Variants in ECE1 observed in about 807,000 individuals in gnomAD.
ECE1 encodes endothelin converting enzyme 1.
ECE1 carries 35 observed loss-of-function variants against 98.6 expected under a neutral mutation model. The ratio of observed to expected loss-of-function variants is 0.35; its 90% CI spans 0.27 to 0.47. The LOEUF is 0.47. Ranked by LOEUF, ECE1 falls within the 20% of genes least tolerant of loss-of-function variation. The pLI is 1.00. For missense variants in ECE1, 814 were observed against 1,025.3 expected, an observed-to-expected ratio of 0.79 and a Z score of 2.81; for synonymous variants, 394 against 407.1, an observed-to-expected ratio of 0.97 and a Z score of 0.39.
Position 21,256,557 on chromosome 1 carries a change from C to CA in ECE1, c.829-420dup, listed in dbSNP as rs761345651. ...TGGGCGGCAGAGAGAGACTTTGTCT[C>CA]AAAAAAAAAAGAAGAAGACACCCGT... is the stretch of plus-strand genomic sequence containing the variant. On this transcript the variant is annotated intron_variant, in intron 7 of 18. Transcript: ENST00000374893. 9.9e-3 allele frequency: 1,428 copies of CA among 144,204 alleles called. 9 individuals are homozygous for CA. The highest frequency in any genetic ancestry group is 0.017 in the South Asian group (76 of 4,530). The allele number at this position is 144,204 out of a possible 1,614,324, so 8.9% of individuals were successfully genotyped here.
intron 10 of ECE1, 142 bp downstream of exon 10, chr1:21,244,847 A>C: frequency 1.3e-6 from 1 of 772,360 alleles, no homozygotes; most frequent in Non-Finnish European, 2.2e-6. Context: ...ACTCCTCTTT[A>C]CCCTTTACTT....
chr1:21,326,427 G>T (rs1475124828), intron 1 of ECE1, among the ~76,000 whole-genome samples: 1 of 152,084 alleles, frequency 6.6e-6, no homozygotes, highest in African/African-American at 2.4e-5. Context: ...CCCAGAGAGG[G>T]ATCAGACCCA....
chr1:21,313,972 G>A (rs1638780322), intron 1 of ECE1, among the ~76,000 whole-genome samples: 1 of 152,178 alleles, frequency 6.6e-6, no homozygotes. Flanking sequence ...AGATGTAGGG[G>A]CAATGATGAC....
chr1:21,274,387 C>T (rs2098244081), intron 3 of ECE1, among the ~76,000 whole-genome samples: 1 of 152,220 alleles, frequency 6.6e-6, no homozygotes, highest in Non-Finnish European at 1.5e-5. Flanking sequence ...GCCACTAGAC[C>T]TGGGTTCAAA....
chr1:21,309,962 T>C (rs1392500201), intron 1 of ECE1, among the ~76,000 whole-genome samples: 1 of 152,036 alleles, frequency 6.6e-6, no homozygotes, highest in Admixed American at 6.6e-5. Flanking sequence ...CGGCTATTTC[T>C]TGTATTTTTA....
At chr1:21,313,653 G>C (rs1638773963) in intron 1 of ECE1, among the ~76,000 whole-genome samples, 1 of 152,212 alleles carries the variant, frequency 6.6e-6, no homozygotes, top group African/African-American at 2.4e-5. Context: ...AAAGGTTCTG[G>C]AACAGACAGA....
rs1000622877 is a variant in ECE1 at position 21,256,255 on chromosome 1, GC to G, written c.829-118del. The G allele has an allele frequency of 3.3e-6, 4 of 1,225,412 alleles. No individual in the cohort carries two copies. The African/African-American group carries it at 6.1e-5, about 19-fold the overall frequency. 75.9% of individuals were successfully genotyped at this position (1,225,412 alleles called of 1,614,324 possible). A position where few individuals can be genotyped will look rare whatever the true frequency, so the allele number is the denominator to read the frequency against. On this transcript the variant is annotated intron_variant, in intron 7 of 18. Transcript: ENST00000374893. Reference sequence around the variant, plus strand: ...ACAGGGAGCCAGGGGGCTGCACAGTGCCCCCAAGACACCCGTGGGGCCAGGT... The same window carrying G: ...ACAGGGAGCCAGGGGGCTGCACAGTGCCCCAAGACACCCGTGGGGCCAGGT...
At position 21,225,218 on chromosome 1, in the gene ECE1, G is replaced by A; in HGVS notation, c.2040+32C>T. ...GGCATCTGGAAGGAGCCAGCACTGG[G>A]ACCGTGCGCGTGTGGGGAGCGGGGC... is the stretch of plus-strand genomic sequence containing the variant. On this transcript the variant is annotated intron_variant, in intron 17 of 18. Coordinates refer to ENST00000374893, the MANE Select transcript of ECE1 (RefSeq NM_001397.3). The surrounding 1 kb of genome is among the most constrained non-coding windows in gnomAD (Gnocchi z 5.3). 2.5e-6 allele frequency: 4 copies of A among 1,611,946 alleles called. No homozygotes were observed. Among genetic ancestry groups the A allele is most frequent in the Non-Finnish European group, 3.4e-6 (4 of 1,179,134 alleles).
intron 14 of ECE1, among the ~76,000 whole-genome samples, chr1:21,231,275 T>C (rs1368352744): frequency 6.6e-6 from 1 of 152,104 alleles, no homozygotes; most frequent in Non-Finnish European, 1.5e-5. Flanking sequence ...GGTACCACAT[T>C]TCCTCTAAGA....
At chr1:21,282,240 T>A (rs1048701308) in intron 2 of ECE1, among the ~76,000 whole-genome samples, 2 of 150,950 alleles carry the variant, frequency 1.3e-5, no homozygotes, top group Non-Finnish European at 3.0e-5. Context: ...CAGTAAGCCA[T>A]GATTGTGCCC....
chr1:21,328,921 C>A (rs1639139429), intron 1 of ECE1, among the ~76,000 whole-genome samples: 1 of 152,112 alleles, frequency 6.6e-6, no homozygotes, highest in Admixed American at 6.6e-5. Flanking sequence ...CCTCTCTGAG[C>A]CTCAGTTTCC....
At chr1:21,312,167 G>A (rs569963070) in intron 1 of ECE1, among the ~76,000 whole-genome samples, 6 of 150,542 alleles carry the variant, frequency 4.0e-5, no homozygotes, top group Non-Finnish European at 8.8e-5. Flanking sequence ...GTCTGGTGTG[G>A]TGGCACATAC....
At chr1:21,265,017 G>A (rs1283899457) in intron 4 of ECE1, among the ~76,000 whole-genome samples, 1 of 152,114 alleles carries the variant, frequency 6.6e-6, no homozygotes, top group Non-Finnish European at 1.5e-5. Context: ...TGATGTTTTT[G>A]AGCCCTTCTC....
chr1:21,230,277 G>A (rs544233533), intron 14 of ECE1, among the ~76,000 whole-genome samples: 3 of 152,262 alleles, frequency 2.0e-5, no homozygotes, highest in Admixed American at 6.5e-5. Context: ...ATCACTTTTC[G>A]AGTTTTGGTG....
At chr1:21,290,893 C>G (rs760145993), upstream of ECE1, among the ~76,000 whole-genome samples, 1 of 152,250 alleles carries the variant, frequency 6.6e-6, no homozygotes, top group East Asian at 1.9e-4. This position sits in a 1 kb window ranked among gnomAD's most constrained non-coding sequence, Gnocchi z 7.3. Context: ...AGCTCAGAGG[C>G]CTTTAAGCCA....
At chr1:21,267,144 T>G (rs2098234896) in intron 4 of ECE1, 1 of 152,282 alleles carries the variant, frequency 6.6e-6, no homozygotes, top group African/African-American at 2.4e-5. Context: ...GGTGCCATCT[T>G]GGAAGCAGAG....
chr1:21,302,332 C>G (rs1320137361), intron 1 of ECE1, among the ~76,000 whole-genome samples: 1 of 152,212 alleles, frequency 6.6e-6, no homozygotes, highest in African/African-American at 2.4e-5. Context: ...ACACACATCA[C>G]TCTTTTTAAT....
intron 10 of ECE1, among the ~76,000 whole-genome samples, chr1:21,239,746 T>A (rs1286741410): frequency 6.6e-6 from 1 of 151,928 alleles, no homozygotes; most frequent in Non-Finnish European, 1.5e-5. Flanking sequence ...ATGGGAATGT[T>A]CTCTATCTTT....
chr1:21,235,879 G>A lies in ECE1; in HGVS notation c.1537C>T (p.Pro513Ser), dbSNP rs753417289. ...TTAAACACTTTGTCCAGCTCCTTGGGATCCATGATGAAGTTGGGGTATCCT... is the reference window on the plus strand; with the variant it reads ...TTAAACACTTTGTCCAGCTCCTTGGAATCCATGATGAAGTTGGGGTATCCT... ...MIGYPNFIMD[P>S]KELDKVFNDY... Residue 513 changes from proline (P) to serine (S), a missense_variant, in exon 13 of 19, where the codon CCC (proline) becomes TCC (serine). Pro to Ser is a moderately conservative substitution (Grantham distance 74, BLOSUM62 -1). Coordinates refer to ENST00000374893, the MANE Select transcript of ECE1 (RefSeq NM_001397.3). This position sits in a 1 kb window ranked among gnomAD's most constrained non-coding sequence, Gnocchi z 4.2. 2 of 1,614,204 alleles carry A rather than the reference G, an allele frequency of 1.2e-6. No individual in the cohort carries two copies.
Sources: gnomAD v4.1 joint callset for allele counts (sites outside exome capture counted in the v4.1 genomes callset) on GRCh38, gnomAD v4.1.1 for gene constraint, Gnocchi (gnomAD v3.1) non-coding constraint, MANE v1.5 for transcripts, NCBI Gene and HGNC (gene_info 2026-07-23, HGNC 2026-07-21) for gene names.